The following ENAM variants were observed in gnomAD, a reference collection of about 807,000 sequenced individuals.
The protein encoded by ENAM is enamelin, also known as amelogenesis imperfecta 2, hypocalcification (autosomal dominant).
ENAM carries 21 observed loss-of-function variants against 33.6 expected under a neutral mutation model. That is an observed-to-expected ratio of 0.63 (90% CI 0.44 to 0.90). The LOEUF is 0.90. Ranked by LOEUF, ENAM falls within the 40% of genes least tolerant of loss-of-function variation. The probability of loss-of-function intolerance (pLI) is 0.00; values close to 1 mark genes in which losing one functional copy is unlikely to be tolerated. For synonymous variants in ENAM, 473 were observed against 468.4 expected, an observed-to-expected ratio of 1.01 and a Z score of -0.13; for missense variants, 1,388 against 1,366.9, an observed-to-expected ratio of 1.02 and a Z score of -0.24.
intron 7 of ENAM, among the ~76,000 whole-genome samples, chr4:70,637,064 G>C (rs1430719558): frequency 2.0e-5 from 3 of 152,116 alleles, no homozygotes; most frequent in East Asian, 3.9e-4. Context: ...TTCATTTTAA[G>C]GAGTAAGAGT....
chr4:70,636,238 A>G, intron 7 of ENAM, among the ~76,000 whole-genome samples: 1 of 152,218 alleles, frequency 6.6e-6, no homozygotes, highest in Admixed American at 6.5e-5. Flanking sequence ...TGTAATGGGG[A>G]AACTGGGACA....
chr4:70,636,580 C>A (rs989634570), intron 7 of ENAM, among the ~76,000 whole-genome samples: 2 of 152,042 alleles, frequency 1.3e-5, no homozygotes, highest in Non-Finnish European at 2.9e-5. Flanking sequence ...ACCAGCCTGA[C>A]CAACAAGGTG....
In ENAM at chr4:70,644,647, C is replaced by G. The variant is rs761340961; in HGVS notation, c.3221C>G (p.Ser1074Cys). The G allele has an allele frequency of 1.1e-5, 17 of 1,613,992 alleles. No homozygotes were observed. The African/African-American group carries it at 2.0e-4, about 19-fold the overall frequency. ...KHHSSTTGTP[S>C]SDGRQSPFDG... Reference sequence around the variant, plus strand: ...CACTCTTCCACCACCGGAACTCCATCTAGCGATGGAAGGCAAAGCCCATTT... The same window carrying G: ...CACTCTTCCACCACCGGAACTCCATGTAGCGATGGAAGGCAAAGCCCATTT... The change falls in exon 9 of 9, where the codon TCT (serine) becomes TGT (cysteine). Residue 1074 changes from serine to cysteine, a missense_variant. Physicochemically the swap from Ser to Cys is moderately radical, Grantham distance 112. Transcript: ENST00000396073.
chr4:70,643,637 G>A lies in ENAM; in HGVS notation c.2211G>A (p.Met737Ile). 6.2e-7 allele frequency: 1 copy of A among 1,614,088 alleles called. No homozygotes were observed. Among genetic ancestry groups the A allele is most frequent in the Non-Finnish European group, 8.5e-7 (1 of 1,180,008 alleles). ...CATCATATAATACAGCTTCTACTAT[G>A]CCACCACCTATAGAGAGCAGGGGCT... Reference protein sequence around the residue: ...NFPSYNTASTMPPPIESRGYY... With the variant: ...NFPSYNTASTIPPPIESRGYY... The change falls in exon 9 of 9, where the codon ATG becomes ATA. Residue 737 changes from methionine to isoleucine, a missense_variant. By Grantham distance (10) the Met-to-Ile change is conservative. Transcript: ENST00000396073.
chr4:70,640,838 T>A (rs1235878644), intron 8 of ENAM, among the ~76,000 whole-genome samples: 1 of 152,102 alleles, frequency 6.6e-6, no homozygotes, highest in African/African-American at 2.4e-5. Context: ...GTTAAGGGAT[T>A]TAGAGTTTAT....
Position 70,642,028 on chromosome 4 carries a change from G to T in ENAM, c.602G>T (p.Gly201Val), listed in dbSNP as rs574810587. The T allele has an allele frequency of 2.2e-5, 36 of 1,612,622 alleles. 2 individuals carry two copies. In the South Asian group the frequency reaches 3.8e-4, roughly 17 times the overall value. ...TCTTTCCTACAGAATCCTTACTTTG[G>T]ATATTTTGGATATCATGGCTTTGGG... ...SNEEGGNPYFGYFGYHGFGGR... is the reference protein window; with the variant it reads ...SNEEGGNPYFVYFGYHGFGGR... The change falls in exon 9 of 9, where the codon GGA becomes GTA. Residue 201 changes from glycine (G) to valine (V), a missense_variant. Transcript: ENST00000396073.
intron 7 of ENAM, 129 bp downstream of exon 7, chr4:70,636,023 C>G (rs1738444271): frequency 1.3e-5 from 7 of 524,948 alleles, no homozygotes; most frequent in Middle Eastern, 5.0e-4. Context: ...TGAAACAAAA[C>G]CAGTGCATCA....
chr4:70,644,703 C>G lies in ENAM; in HGVS notation c.3277C>G (p.Pro1093Ala), dbSNP rs35951442. The G allele has an allele frequency of 6.2e-7, 1 of 1,614,132 alleles. No homozygotes were observed. Among genetic ancestry groups the G allele is most frequent in the Non-Finnish European group, 8.5e-7 (1 of 1,180,010 alleles). Residue 1093 changes from proline (P) to alanine (A), a missense_variant, in exon 9 of 9, where the codon CCT (proline) becomes GCT (alanine). By Grantham distance (27) the Pro-to-Ala change is conservative. Coordinates refer to ENST00000396073, the MANE Select transcript of ENAM (RefSeq NM_031889.3). ...DGDSITPTEN[P>A]NTLVELATEE... ...GGATTCAATTACGCCTACTGAAAAT[C>G]CTAACACATTGGTTGAGTTAGCTAC... is the stretch of plus-strand genomic sequence containing the variant.
Position 70,634,478 on chromosome 4 carries a change from G to C in ENAM, c.381G>C (p.Gln127His). The C allele has an allele frequency of 6.2e-7, 1 of 1,614,026 alleles. No individual in the cohort carries two copies. Among genetic ancestry groups the C allele is most frequent in the South Asian group, 1.1e-5 (1 of 91,076 alleles). Reference sequence around the variant, plus strand: ...CCCAAGAAACCCAGAAACCCAACCAGACTCAGTCAAAAAAGCCACCACAAA... The same window carrying C: ...CCCAAGAAACCCAGAAACCCAACCACACTCAGTCAAAAAAGCCACCACAAA... Reference protein sequence around the residue: ...DQTQETQKPNQTQSKKPPQKR... With the variant: ...DQTQETQKPNHTQSKKPPQKR... Residue 127 changes from glutamine (Q) to histidine (H), a missense_variant, in exon 6 of 9, where the codon CAG becomes CAC. Transcript: ENST00000396073.
chr4:70,631,434 C>G (rs543687464), intron 2 of ENAM, among the ~76,000 whole-genome samples: 1 of 152,200 alleles, frequency 6.6e-6, no homozygotes, highest in Non-Finnish European at 1.5e-5. Context: ...CCCTGTCTCT[C>G]TCTCTCACGC....
At chr4:70,636,534 C>T (rs1738455580) in intron 7 of ENAM, among the ~76,000 whole-genome samples, 1 of 151,866 alleles carries the variant, frequency 6.6e-6, no homozygotes, top group Admixed American at 6.6e-5. Context: ...TTTGGGAAGC[C>T]GAGGCAGGCG....
At chr4:70,640,011 T>C (rs1356473957) in intron 8 of ENAM, among the ~76,000 whole-genome samples, 2 of 152,246 alleles carry the variant, frequency 1.3e-5, no homozygotes, top group Non-Finnish European at 2.9e-5. Context: ...AAAATACTTT[T>C]CTTTATATTG....
At chr4:70,632,139 A>G (rs1738339409) in intron 4 of ENAM, among the ~76,000 whole-genome samples, 1 of 152,144 alleles carries the variant, frequency 6.6e-6, no homozygotes, top group Non-Finnish European at 1.5e-5. Flanking sequence ...AATCTAGTTG[A>G]TGTTACCTTA....
chr4:70,642,179 G>A lies in ENAM; in HGVS notation c.753G>A (p.Thr251=), dbSNP rs760680070. ...CAGCTAATTCAACAGTCACTGAGAC[G>A]AATTCTACCCAACCAAATCCTAAAG... The part of the protein sequence containing the change: ...EPTANSTVTE[T]NSTQPNPKGS... Residue 251 remains threonine (T), a synonymous_variant, in exon 9 of 9, where the codon ACG becomes ACA. Transcript: ENST00000396073. The A allele has an allele frequency of 6.8e-6, 11 of 1,613,942 alleles. No individual in the cohort carries two copies. The highest frequency in any genetic ancestry group is 1.6e-4 in the Middle Eastern group (1 of 6,084).
Position 70,643,016 on chromosome 4 carries a change from A to T in ENAM, c.1590A>T (p.Glu530Asp), listed in dbSNP as rs747815691. 2.5e-6 allele frequency: 4 copies of T among 1,614,104 alleles called. No individual in the cohort carries two copies. Among genetic ancestry groups the T allele is most frequent in the Non-Finnish European group, 2.5e-6 (3 of 1,180,020 alleles). The change falls in exon 9 of 9, where the codon GAA becomes GAT. Residue 530 changes from glutamate (E) to aspartate (D), a missense_variant. By Grantham distance (45) the Glu-to-Asp change is conservative. Coordinates refer to ENST00000396073, the MANE Select transcript of ENAM (RefSeq NM_031889.3). ...IVLGSRRMPY[E>D]SETNQSELKH... ...TAGGGTCAAGAAGGATGCCATATGA[A>T]TCAGAAACTAATCAGTCAGAATTAA...
chr4:70,643,555 C>T lies in ENAM; in HGVS notation c.2129C>T (p.Pro710Leu), dbSNP rs754914271. The T allele has an allele frequency of 1.2e-6, 2 of 1,613,846 alleles. No homozygotes were observed. The change falls in exon 9 of 9, where the codon CCA (proline) becomes CTA (leucine). Residue 710 changes from proline (P) to leucine (L), a missense_variant. Physicochemically the swap from Pro to Leu is moderately conservative, Grantham distance 98. Transcript: ENST00000396073. ...TATTCTTTAGATAATCCATCAAAAC[C>T]AAGGGAGGATTTTTATTACAGTGAA... ...LPYSLDNPSK[P>L]REDFYYSEFY...
At chr4:70,639,598 A>G (rs946311238) in intron 8 of ENAM, among the ~76,000 whole-genome samples, 1 of 151,726 alleles carries the variant, frequency 6.6e-6, no homozygotes, top group Non-Finnish European at 1.5e-5. Context: ...TCAAAAAACA[A>G]AAAAGGAAAG....
In ENAM at chr4:70,642,661, C is replaced by G. The variant is rs767419676; in HGVS notation, c.1235C>G (p.Pro412Arg). Residue 412 changes from proline to arginine, a missense_variant, in exon 9 of 9, where the codon CCT (proline) becomes CGT (arginine). Physicochemically the swap from Pro to Arg is moderately radical, Grantham distance 103. Coordinates refer to ENST00000396073, the MANE Select transcript of ENAM (RefSeq NM_031889.3). ...RRKPQGPNKH[P>R]VGTTVAPLGP... ...AAGCCTCAGGGGCCAAATAAACACC[C>G]TGTAGGAACTACTGTTGCCCCACTG... 3.1e-6 allele frequency: 5 copies of G among 1,612,850 alleles called. No individual in the cohort carries two copies. The African/African-American group carries it at 6.7e-5, about 22-fold the overall frequency.
At chr4:70,631,600 A>T in intron 2 of ENAM, 70 bp from the exon 3 acceptor site, 1 of 1,106,620 alleles carries the variant, frequency 9.0e-7, no homozygotes, top group Non-Finnish European at 1.4e-6. Flanking sequence ...GCTAGTACTT[A>T]GATAAGTGCA....
Sources: gnomAD v4.1 joint callset for allele counts (sites outside exome capture counted in the v4.1 genomes callset) on GRCh38, gnomAD v4.1.1 for gene constraint, MANE v1.5 for transcripts, NCBI Gene and HGNC (gene_info 2026-07-23, HGNC 2026-07-21) for gene names.